OGA: variants seen among roughly 807,000 people sequenced by gnomAD.
OGA encodes the protein O-GlcNAcase, also known as protein O-GlcNAcase.
Under a neutral mutation model 102.0 loss-of-function variants are expected in OGA, and 21 were observed. That is an observed-to-expected ratio of 0.21 (90% confidence interval 0.15 to 0.30). The LOEUF (loss-of-function observed/expected upper bound fraction) is 0.30. OGA is among the 10% of genes least tolerant of loss of function. OGA has a pLI of 1.00. For missense variants in OGA, 765 were observed against 1,107.8 expected (o/e 0.69, Z 4.39); for synonymous variants, 408 against 378.2 (o/e 1.08, Z -0.91).
chr10:101,805,434 C>G (rs993543892), intron 6 of OGA, among the ~76,000 whole-genome samples: 2 of 152,112 alleles, frequency 1.3e-5, no homozygotes, highest in African/African-American at 4.8e-5. Flanking sequence ...GTGGGCAGAT[C>G]ACCTGAGGTC....
chr10:101,790,790 GATGT>G (rs1345455707), intron 14 of OGA, 102 bp downstream of exon 14: 5 of 764,474 alleles, frequency 6.5e-6, no homozygotes, highest in Admixed American at 7.6e-5. Flanking sequence ...AAGATTTTAT[GATGT>G]ATCTATGTAC....
chr10:101,817,443 G>A (rs910138661), intron 1 of OGA, among the ~76,000 whole-genome samples: 2 of 152,168 alleles, frequency 1.3e-5, no homozygotes, highest in East Asian at 3.8e-4. Context: ...TTCCACAAAG[G>A]GTGGTGACAG....
At chr10:101,787,782 T>C (rs1038541685) in intron 14 of OGA, 19 of 341,006 alleles carry the variant, frequency 5.6e-5, no homozygotes, top group East Asian at 3.0e-4. Flanking sequence ...CTCTCTCTCT[T>C]TCCCTATTTA....
At chr10:101,803,512 A>G (rs2065425132) in intron 7 of OGA, among the ~76,000 whole-genome samples, 1 of 151,996 alleles carries the variant, frequency 6.6e-6, no homozygotes, top group Admixed American at 6.6e-5. Context: ...GTCCAAAGAC[A>G]CTCAACCTTT....
At chr10:101,801,314 C>T (rs1009513525) in intron 7 of OGA, among the ~76,000 whole-genome samples, 8 of 151,670 alleles carry the variant, frequency 5.3e-5, no homozygotes, top group Non-Finnish European at 7.4e-5. Context: ...ACTGCTTGAA[C>T]CCAGGTGTCA....
In OGA at chr10:101,817,825, T is replaced by C; in HGVS notation, c.198A>G (p.Glu66=). 6.5e-7 allele frequency: 1 copy of C among 1,538,470 alleles called. No homozygotes were observed. ...GARRFLCGVV[E]GFYGRPWVME... is the part of the protein sequence containing the mutation. ...CGGGGAGGGAAGGAGGGCGCTCACC[T>C]TCCACCACACCGCAGAGGAACCGCC... The change falls in exon 1 of 16, where the codon GAA becomes GAG. Residue 66 remains glutamate, a splice_region_variant and synonymous_variant. Transcript: ENST00000361464.
chr10:101,806,162 G>A lies in OGA; in HGVS notation c.653-19C>T, dbSNP rs1278715318. The A allele has an allele frequency of 6.9e-7, 1 of 1,456,306 alleles. No homozygotes were observed. The highest frequency in any genetic ancestry group is 9.6e-7 in the Non-Finnish European group (1 of 1,039,278). 90.2% of individuals were successfully genotyped at this position (1,456,306 alleles called of 1,614,324 possible). A position where few individuals can be genotyped will look rare whatever the true frequency, so the allele number is the denominator to read the frequency against. On this transcript the variant is annotated intron_variant, in intron 5 of 15. Coordinates refer to ENST00000361464, the MANE Select transcript of OGA (RefSeq NM_012215.5). ...CAGTATTCTAAATGTAGGGAGAAAAGTAAAAAAGTCAGAATTAAAATGCTC... is the reference window on the plus strand; with the variant it reads ...CAGTATTCTAAATGTAGGGAGAAAAATAAAAAAGTCAGAATTAAAATGCTC...
At chr10:101,801,017 C>CA (rs2065384587) in intron 7 of OGA, among the ~76,000 whole-genome samples, 1 of 151,914 alleles carries the variant, frequency 6.6e-6, no homozygotes. Context: ...GTGATCTGCC[C>CA]ACCTGGGCCT....
Position 101,799,405 on chromosome 10 carries a change from G to A in OGA, c.1246C>T (p.Pro416Ser). The A allele has an allele frequency of 6.2e-7, 1 of 1,614,004 alleles. No homozygotes were observed. The highest frequency in any genetic ancestry group is 1.1e-5 in the South Asian group (1 of 91,080). ...TTTAAAGAGGGTGCTGCAACTAAAG[G>A]AGTCCCATCAACTACACTTGCTTTA... ...GAKASVVDGT[P>S]LVAAPSLNAT... Residue 416 changes from proline (P) to serine (S), a missense_variant, in exon 9 of 16, where the codon CCT becomes TCT. This residue lies in a region of OGA where 281 missense variants were observed against 345.8 expected (regional missense o/e 0.81). Coordinates refer to ENST00000361464, the MANE Select transcript of OGA (RefSeq NM_012215.5).
Position 101,807,727 on chromosome 10 carries a change from T to C in OGA, c.652+3A>G. 1 of 1,582,908 alleles carries C rather than the reference T, an allele frequency of 6.3e-7. No homozygotes were observed. Among genetic ancestry groups the C allele is most frequent in the Non-Finnish European group, 8.6e-7 (1 of 1,165,260 alleles). On this transcript the variant is annotated splice_donor_region_variant and intron_variant, in intron 5 of 15. Transcript: ENST00000361464. ...TTAAATGTAAAGCCATTATATACAA[T>C]ACCTGTGGGACAGAAGAGGAAAGTT...
chr10:101,794,822 T>C (rs2065297090), intron 10 of OGA, among the ~76,000 whole-genome samples: 1 of 152,176 alleles, frequency 6.6e-6, no homozygotes, highest in Non-Finnish European at 1.5e-5. Flanking sequence ...TAAAGGCAAA[T>C]GTTTGGAGGC....
intron 13 of OGA, 92 bp downstream of exon 13, chr10:101,791,258 AAAAT>A (rs1343532424): frequency 7.3e-6 from 9 of 1,239,152 alleles, no homozygotes; most frequent in East Asian, 2.5e-5. Context: ...AGTGGGATTT[AAAAT>A]AAATAAATAT....
rs188694073 is a variant in OGA, at chr10:101,792,824, T to G, written c.2175+15A>C. 1.9e-6 allele frequency: 3 copies of G among 1,547,318 alleles called. No homozygotes were observed. In the African/African-American group the frequency reaches 4.1e-5, roughly 21 times the overall value. On this transcript the variant is annotated intron_variant, in intron 12 of 15. Transcript: ENST00000361464. Reference sequence around the variant, plus strand: ...CATACCCATACACCAAGTTGGTAGGTAGAGAGACAATTACCTCATCCTTAG... The same window carrying G: ...CATACCCATACACCAAGTTGGTAGGGAGAGAGACAATTACCTCATCCTTAG...
Position 101,818,159 on chromosome 10 carries a change from TC to T in OGA, c.-138del. 1 of 1,360,758 alleles carries T rather than the reference TC, an allele frequency of 7.3e-7. No individual in the cohort carries two copies. The highest frequency in any genetic ancestry group is 9.4e-7 in the Non-Finnish European group (1 of 1,059,102). The allele number at this position is 1,360,758 out of a possible 1,614,324, so 84.3% of individuals were successfully genotyped here. The stretch of plus-strand genomic sequence containing the variant: ...GCTCCTTCCCCTCCCCCTCTGCCCT[TC>T]CCCCTCCCTCTCCGCAGGGACCCGA... On this transcript the variant is annotated 5_prime_UTR_variant, in exon 1 of 16. Coordinates refer to ENST00000361464, the MANE Select transcript of OGA (RefSeq NM_012215.5).
At chr10:101,789,255 T>G (rs573411167) in intron 14 of OGA, among the ~76,000 whole-genome samples, 1 of 151,942 alleles carries the variant, frequency 6.6e-6, no homozygotes, top group African/African-American at 2.4e-5. Flanking sequence ...TCCTAGCACT[T>G]TGGGAGGCTG....
chr10:101,812,727 T>C (rs2065574761), intron 3 of OGA: 1 of 445,154 alleles, frequency 2.2e-6, no homozygotes, highest in African/African-American at 2.0e-5. Context: ...CTAGCCCAGC[T>C]CCAGCACTTC....
intron 4 of OGA, among the ~76,000 whole-genome samples, 171 bp downstream of exon 4, chr10:101,810,013 T>C (rs1174348252): frequency 1.3e-5 from 2 of 152,088 alleles, no homozygotes; most frequent in Non-Finnish European, 1.5e-5. Context: ...GCCACTGCAC[T>C]CCAGTCTGGG....
At chr10:101,795,347 T>C (rs1314388038) in intron 10 of OGA, among the ~76,000 whole-genome samples, 4 of 152,226 alleles carry the variant, frequency 2.6e-5, no homozygotes, top group Non-Finnish European at 5.9e-5. Context: ...AGTTCATGTC[T>C]ACCGCCCTTA....
chr10:101,793,702 T>G, intron 11 of OGA: 1 of 483,282 alleles, frequency 2.1e-6, no homozygotes, highest in East Asian at 3.8e-5. Flanking sequence ...CCGCTGCGCT[T>G]CGCAGGCGCG....
Sources: allele counts gnomAD v4.1 joint callset (sites outside exome capture counted in the v4.1 genomes callset), GRCh38; gene constraint gnomAD v4.1.1; regional missense constraint gnomAD v4.1.1; transcripts MANE v1.5; gene names NCBI Gene and HGNC (gene_info 2026-07-23, HGNC 2026-07-21).